TMCO2: variants seen among roughly 807,000 people sequenced by gnomAD.
TMCO2 encodes the protein transmembrane and coiled-coil domains 2, also known as transmembrane and coiled-coil domain-containing protein 2.
In TMCO2, 15 loss-of-function variants were observed where a neutral mutation model predicts 18.0. That is an observed-to-expected ratio of 0.84 (90% CI 0.56 to 1.29). The LOEUF is 1.29. TMCO2 is among the 50% of genes most tolerant of loss of function. TMCO2 has a pLI of 0.00. For synonymous variants in TMCO2, 79 were observed against 75.9 expected (o/e 1.04, Z -0.21); for missense variants, 182 against 200.9 (o/e 0.91, Z 0.57).
chr1:40,251,387 A>G lies in TMCO2; in HGVS notation c.342A>G (p.Gln114=). 1 of 1,614,104 alleles carries G rather than the reference A, an allele frequency of 6.2e-7. No individual in the cohort carries two copies. Among genetic ancestry groups the G allele is most frequent in the Non-Finnish European group, 8.5e-7 (1 of 1,179,998 alleles). Residue 114 remains glutamine, a synonymous_variant, in exon 2 of 2, where the codon CAA becomes CAG. Coordinates refer to ENST00000372766, the MANE Select transcript of TMCO2 (RefSeq NM_001008740.4). Reference sequence around the variant, plus strand: ...CAGAAGGAAGTGGTCTCCGAATTCAAGACAATAATAATCTTTTCCTGTCCT... The same window carrying G: ...CAGAAGGAAGTGGTCTCCGAATTCAGGACAATAATAATCTTTTCCTGTCCT... ...ANPEGSGLRI[Q]DNNNLFLSLG...
chr1:40,251,260 C>A, intron 1 of TMCO2, 23 bp from the exon 2 acceptor site: 1 of 1,593,840 alleles, frequency 6.3e-7, no homozygotes, highest in South Asian at 1.2e-5. Context: ...AACTAACACT[C>A]AACTTCTGTT....
chr1:40,249,449 C>T (rs1343379075), intron 1 of TMCO2, among the ~76,000 whole-genome samples: 4 of 151,506 alleles, frequency 2.6e-5, no homozygotes, highest in South Asian at 2.1e-4. Context: ...GGTGGTGGCA[C>T]GCGCCTGTAG....
intron 1 of TMCO2, 126 bp downstream of exon 1, chr1:40,248,356 T>C (rs1403820300): frequency 2.5e-6 from 2 of 792,576 alleles, no homozygotes; most frequent in Admixed American, 2.8e-5. Context: ...GTCTCTTAAG[T>C]TGGCAAAAAC....
At chr1:40,248,404 G>A (rs1181457874) in intron 1 of TMCO2, among the ~76,000 whole-genome samples, 174 bp downstream of exon 1, 1 of 152,026 alleles carries the variant, frequency 6.6e-6, no homozygotes, top group African/African-American at 2.4e-5. Flanking sequence ...TTAGGCTTTG[G>A]GCATAAAAAT....
intron 1 of TMCO2, among the ~76,000 whole-genome samples, chr1:40,250,619 C>G (rs1643374059): frequency 1.3e-5 from 2 of 152,134 alleles, no homozygotes; most frequent in Non-Finnish European, 2.9e-5. Flanking sequence ...CTGCCACTTC[C>G]AATATATAAC....
intron 1 of TMCO2, among the ~76,000 whole-genome samples, chr1:40,250,318 A>AAAAATATAT (rs1553178359): frequency 1.4e-5 from 2 of 145,762 alleles, no homozygotes; most frequent in African/African-American, 5.3e-5. Context: ...ATATAAATAA[A>AAAAATATAT]ATATATATAT....
chr1:40,248,313 T>A, intron 1 of TMCO2, 83 bp downstream of exon 1: 1 of 1,221,598 alleles, frequency 8.2e-7, no homozygotes, highest in Non-Finnish European at 1.2e-6. Flanking sequence ...CCACCAGTTT[T>A]AAGATCATGC....
chr1:40,248,055 T>A lies in TMCO2; in HGVS notation c.62T>A (p.Val21Glu). 1 of 1,614,226 alleles carries A rather than the reference T, an allele frequency of 6.2e-7. No individual in the cohort carries two copies. Among genetic ancestry groups the A allele is most frequent in the Non-Finnish European group, 8.5e-7 (1 of 1,180,024 alleles). The change falls in exon 1 of 2, where the codon GTA becomes GAA. Residue 21 changes from valine to glutamate, a missense_variant. Transcript: ENST00000372766. ...TTAGAGTCTCTCTCTCTCAGCACAGTATGGAATTGGATACAAGCAAGTTTT... is the reference window on the plus strand; with the variant it reads ...TTAGAGTCTCTCTCTCTCAGCACAGAATGGAATTGGATACAAGCAAGTTTT... ...NLLESLSLST[V>E]WNWIQASFLG...
chr1:40,250,156 T>G (rs1643369905), intron 1 of TMCO2, among the ~76,000 whole-genome samples: 1 of 151,438 alleles, frequency 6.6e-6, no homozygotes, highest in African/African-American at 2.4e-5. Context: ...ACCACCAGGC[T>G]TGGCTAATTT....
In TMCO2 at chr1:40,251,276, A is replaced by G; in HGVS notation, c.238-7A>G. ...ACTAACACTCAACTTCTGTTGTTCC[A>G]TTTTAGAAAACATTGTTGTTTGTAA... On this transcript the variant is annotated splice_polypyrimidine_tract_variant and splice_region_variant and intron_variant, in intron 1 of 1. Coordinates refer to ENST00000372766, the MANE Select transcript of TMCO2 (RefSeq NM_001008740.4). The G allele has an allele frequency of 1.2e-6, 2 of 1,604,836 alleles. No individual in the cohort carries two copies. The highest frequency in any genetic ancestry group is 1.7e-6 in the Non-Finnish European group (2 of 1,177,808).
In TMCO2 at chr1:40,251,442, CTT is replaced by C. The variant is rs779211919; in HGVS notation, c.398_399del (p.Leu133GlnfsTer28). The C allele has an allele frequency of 5.0e-6, 8 of 1,613,676 alleles. No homozygotes were observed. Among genetic ancestry groups the C allele is most frequent in the Non-Finnish European group, 6.8e-6 (8 of 1,179,918 alleles). On this transcript the variant is annotated frameshift_variant, in exon 2 of 2. Coordinates refer to ENST00000372766, the MANE Select transcript of TMCO2 (RefSeq NM_001008740.4). LOFTEE classifies it high-confidence loss of function. ...LGLQEKILKK[L>X]KTVENKMKNL... The stretch of plus-strand genomic sequence containing the variant: ...TCTGCAAGAGAAAATTTTGAAAAAA[CTT>C]AAGACAGTGGAAAACAAAATGAAGA...
At position 40,251,563 on chromosome 1, in the gene TMCO2, T is replaced by C. The variant is rs1643385058; in HGVS notation, c.518T>C (p.Leu173Ser). ...YCSCSDCQSP[L>S]STSGFTSPI ...AGCTGCTCTGACTGCCAGAGTCCCT[T>C]GTCCACATCAGGGTTTACTTCCCCC... Residue 173 changes from leucine to serine, a missense_variant, in exon 2 of 2, where the codon TTG becomes TCG. By Grantham distance (145) the Leu-to-Ser change is moderately radical. Transcript: ENST00000372766. The C allele has an allele frequency of 1.2e-6, 2 of 1,609,112 alleles. No homozygotes were observed. Among genetic ancestry groups the C allele is most frequent in the South Asian group, 2.2e-5 (2 of 89,600 alleles).
At position 40,248,116 on chromosome 1, in the gene TMCO2, G is replaced by T; in HGVS notation, c.123G>T (p.Leu41Phe). 2 of 1,614,174 alleles carry T rather than the reference G, an allele frequency of 1.2e-6. No homozygotes were observed. Among genetic ancestry groups the T allele is most frequent in the Non-Finnish European group, 1.7e-6 (2 of 1,180,030 alleles). The change falls in exon 1 of 2, where the codon TTG becomes TTT. Residue 41 changes from leucine (L) to phenylalanine (F), a missense_variant. Leu to Phe is a conservative substitution (Grantham distance 22, BLOSUM62 0). Coordinates refer to ENST00000372766, the MANE Select transcript of TMCO2 (RefSeq NM_001008740.4). ...GETSAPQQTSLGLLDNLAPAV... is the reference protein window; with the variant it reads ...GETSAPQQTSFGLLDNLAPAV... ...CTAGTGCACCTCAGCAAACAAGTTTGGGACTATTAGATAATCTTGCTCCAG... is the reference window on the plus strand; with the variant it reads ...CTAGTGCACCTCAGCAAACAAGTTTTGGACTATTAGATAATCTTGCTCCAG...
intron 1 of TMCO2, among the ~76,000 whole-genome samples, chr1:40,250,805 A>G (rs1474189635): frequency 6.6e-6 from 1 of 152,140 alleles, no homozygotes; most frequent in Non-Finnish European, 1.5e-5. Context: ...CTACCTCTCC[A>G]GTTTGCAGTG....
In TMCO2 at chr1:40,251,442, C is replaced by T. The variant is rs148402417; in HGVS notation, c.397C>T (p.Leu133Phe). 12 of 1,613,558 alleles carry T rather than the reference C, an allele frequency of 7.4e-6. No homozygotes were observed. The African/African-American group carries it at 1.1e-4, about 14-fold the overall frequency. Residue 133 changes from leucine (L) to phenylalanine (F), a missense_variant, in exon 2 of 2, where the codon CTT becomes TTT. Coordinates refer to ENST00000372766, the MANE Select transcript of TMCO2 (RefSeq NM_001008740.4). ...LGLQEKILKK[L>F]KTVENKMKNL... is the part of the protein sequence containing the mutation. ...TCTGCAAGAGAAAATTTTGAAAAAA[C>T]TTAAGACAGTGGAAAACAAAATGAA... is the stretch of plus-strand genomic sequence containing the variant.
At chr1:40,249,255 ATGTGTGTGTGTGTGTGTGTGTGTGTG>A (rs3075101) in intron 1 of TMCO2, among the ~76,000 whole-genome samples, 2 of 139,834 alleles carry the variant, frequency 1.4e-5, no homozygotes, top group Non-Finnish European at 3.1e-5. Context: ...TTGAACAGGA[ATGTGTGTGTGTGTGTGTGTGTGTGTG>A]TGTGTGTGTG....
intron 1 of TMCO2, 86 bp downstream of exon 1, chr1:40,248,316 G>C (rs909187215): frequency 8.5e-6 from 10 of 1,174,740 alleles, no homozygotes; most frequent in Admixed American, 2.0e-5. Flanking sequence ...CCAGTTTTAA[G>C]ATCATGCAGA....
intron 1 of TMCO2, among the ~76,000 whole-genome samples, chr1:40,249,255 A>ATGTGTG (rs3075101): frequency 0.035 from 4,897 of 139,880 alleles, 116 homozygotes; most frequent in African/African-American, 0.053. Flanking sequence ...TTGAACAGGA[A>ATGTGTG]TGTGTGTGTG....
Position 40,251,640 on chromosome 1 carries a change from A to C in TMCO2, c.*46A>C. 1 of 1,562,844 alleles carries C rather than the reference A, an allele frequency of 6.4e-7. No individual in the cohort carries two copies. The highest frequency in any genetic ancestry group is 8.7e-7 in the Non-Finnish European group (1 of 1,152,590). On this transcript the variant is annotated 3_prime_UTR_variant, in exon 2 of 2. Transcript: ENST00000372766. ...TTTCCAGGAAAGCACTGTTTCCCTC[A>C]TGTGTGCAGTGGTGTATCAATAAAG... is the stretch of plus-strand genomic sequence containing the variant.
Sources: allele counts gnomAD v4.1 joint callset (sites outside exome capture counted in the v4.1 genomes callset), GRCh38; gene constraint gnomAD v4.1.1; transcripts MANE v1.5; gene names NCBI Gene and HGNC (gene_info 2026-07-23, HGNC 2026-07-21).